The following RMDN1 variants were observed in gnomAD, a reference collection of about 807,000 sequenced individuals.
RMDN1 encodes the protein regulator of microtubule dynamics 1.
In RMDN1, 48 loss-of-function variants were observed where a neutral mutation model predicts 48.9. The observed-to-expected ratio is 0.98, with a 90% CI of 0.78 to 1.25. The LOEUF (loss-of-function observed/expected upper bound fraction) is 1.25, where lower values mean the gene tolerates loss of function less well. RMDN1 is among the 50% of genes most tolerant of loss of function. The pLI is 0.00. For missense variants in RMDN1, 418 were observed against 373.4 expected, an observed-to-expected ratio of 1.12 and a Z score of -0.98; for synonymous variants, 148 against 132.6, an observed-to-expected ratio of 1.12 and a Z score of -0.80.
At chr8:86,493,421 C>T (rs1321784664) in intron 2 of RMDN1, among the ~76,000 whole-genome samples, 1 of 152,120 alleles carries the variant, frequency 6.6e-6, no homozygotes. Flanking sequence ...AGGAAACAAC[C>T]TAAGTGCCCG....
At chr8:86,482,677 A>G in intron 5 of RMDN1, 1 of 890,354 alleles carries the variant, frequency 1.1e-6, no homozygotes, top group Non-Finnish European at 1.9e-6. Flanking sequence ...AAAAGACTTT[A>G]TGGAGTTCAT....
chr8:86,475,095 G>A, intron 8 of RMDN1, 142 bp from the exon 9 acceptor site: 1 of 588,474 alleles, frequency 1.7e-6, no homozygotes. Flanking sequence ...TTGTTCAACT[G>A]TTTATATCTC....
intron 2 of RMDN1, among the ~76,000 whole-genome samples, chr8:86,500,796 T>C (rs1297266042): frequency 6.6e-6 from 1 of 152,178 alleles, no homozygotes; most frequent in East Asian, 1.9e-4. Context: ...TCAACTGAGA[T>C]GCCCATCAAT....
chr8:86,504,824 C>CGGACT, intron 2 of RMDN1: 1 of 1,041,688 alleles, frequency 9.6e-7, no homozygotes, highest in African/African-American at 1.6e-5. Flanking sequence ...ACTTCTTAGT[C>CGGACT]GGACTGCTCT....
intron 5 of RMDN1, among the ~76,000 whole-genome samples, chr8:86,481,583 C>A (rs1367792144): frequency 2.2e-5 from 1 of 46,102 alleles, no homozygotes; most frequent in African/African-American, 7.7e-5. Flanking sequence ...TTTTTTTTTG[C>A]CTTTGCCAAA....
In RMDN1 at chr8:86,496,977, A is replaced by G. The variant is rs185163236; in HGVS notation, c.248-8338T>C. ...CACAGCTCAATAAAAATAGAAATCA[A>G]TATCAAGATCTCTCAAAACCACACA... On this transcript the variant is annotated intron_variant, in intron 2 of 9. Coordinates refer to ENST00000406452, the MANE Select transcript of RMDN1 (RefSeq NM_016033.3). Among the ~76,000 whole-genome samples the G allele has an allele frequency of 1.4e-3, 216 of 152,286 alleles. 1 individual carries two copies. The highest frequency in any genetic ancestry group is 4.9e-3 in the African/African-American group (203 of 41,568).
rs1222028524 is a variant in RMDN1 at position 86,473,382 on chromosome 8, A to C, written c.*926T>G. On this transcript the variant is annotated 3_prime_UTR_variant, in exon 10 of 10. Transcript: ENST00000406452. The stretch of plus-strand genomic sequence containing the variant: ...TAAAAACATCTTAGTATTCCATTTC[A>C]CTCTTAAGTTTTGTGTTCCTTCCAT... 1 of 985,226 alleles carries C rather than the reference A, an allele frequency of 1.0e-6. No homozygotes were observed. Among genetic ancestry groups the C allele is most frequent in the Non-Finnish European group, 1.2e-6 (1 of 829,918 alleles). 61.0% of individuals were successfully genotyped at this position (985,226 alleles called of 1,614,324 possible).
chr8:86,473,702 G>T lies in RMDN1; in HGVS notation c.*606C>A. ...AATCACTTGAACCCGGGAGGCGGAG[G>T]CTGCAGTGGGCCGAGATTGTGCCAC... On this transcript the variant is annotated 3_prime_UTR_variant, in exon 10 of 10. Transcript: ENST00000406452. 2 of 521,518 alleles carry T rather than the reference G, an allele frequency of 3.8e-6. No individual in the cohort carries two copies. Among genetic ancestry groups the T allele is most frequent in the Non-Finnish European group, 4.9e-6 (2 of 406,374 alleles). 32.3% of individuals were successfully genotyped at this position (521,518 alleles called of 1,614,324 possible).
At chr8:86,479,162 G>T in intron 6 of RMDN1, 152 bp from the exon 7 acceptor site, 1 of 602,926 alleles carries the variant, frequency 1.7e-6, no homozygotes, top group East Asian at 2.8e-5. Context: ...TCCAGAGATT[G>T]ACATAGTGAT....
downstream of RMDN1, among the ~76,000 whole-genome samples, chr8:86,470,981 G>GTGAT: frequency 6.6e-6 from 1 of 152,182 alleles, no homozygotes. Flanking sequence ...AAATCTACAT[G>GTGAT]TGATAGAATT....
At chr8:86,484,996 T>C in intron 4 of RMDN1, 35 bp from the exon 5 acceptor site, 1 of 1,179,144 alleles carries the variant, frequency 8.5e-7, no homozygotes, top group Non-Finnish European at 1.2e-6. Flanking sequence ...ACAATAATAT[T>C]CTTAATATTC....
intron 2 of RMDN1, among the ~76,000 whole-genome samples, chr8:86,490,174 G>A (rs1816260373): frequency 6.6e-6 from 1 of 152,116 alleles, no homozygotes; most frequent in Admixed American, 6.5e-5. Flanking sequence ...AGGATAAGGA[G>A]TAGTCTTTAT....
chr8:86,504,138 G>A (rs1425455044), intron 2 of RMDN1: 18 of 1,242,448 alleles, frequency 1.4e-5, no homozygotes, highest in East Asian at 9.3e-5. Context: ...AGCTATGGCC[G>A]GTATTATTGG....
At chr8:86,496,773 T>G (rs549571418) in intron 2 of RMDN1, among the ~76,000 whole-genome samples, 4 of 152,214 alleles carry the variant, frequency 2.6e-5, no homozygotes, top group Admixed American at 2.0e-4. Flanking sequence ...GATCTAAAGT[T>G]GACAATCAAA....
chr8:86,508,597 C>T lies in RMDN1; in HGVS notation c.24G>A (p.Trp8Ter). Residue 8 changes from tryptophan (W) to a stop codon, truncating the protein, a stop_gained, in exon 1 of 10, where the codon TGG becomes TGA. Transcript: ENST00000406452. LOFTEE classifies it high-confidence loss of function. MALAARL[W>*]RLLPFRRGAA... ...CTCCACGTCGGAAAGGCAGAAGGCG[C>T]CACAGTCGAGCAGCCAGCGCCATGA... 2.5e-6 allele frequency: 4 copies of T among 1,604,652 alleles called. No individual in the cohort carries two copies. The highest frequency in any genetic ancestry group is 3.4e-6 in the Non-Finnish European group (4 of 1,176,790).
At chr8:86,469,417 G>A (rs1162731542), downstream of RMDN1, among the ~76,000 whole-genome samples, 1 of 152,056 alleles carries the variant, frequency 6.6e-6, no homozygotes, top group African/African-American at 2.4e-5. Context: ...CACAGCTTTG[G>A]GCATACCTGA....
At chr8:86,482,662 TCGG>T in intron 5 of RMDN1, 1 of 821,154 alleles carries the variant, frequency 1.2e-6, no homozygotes, top group East Asian at 2.4e-5. Context: ...TTGAGCGCAG[TCGG>T]AAAAAGACTT....
intron 2 of RMDN1, chr8:86,504,692 G>T: frequency 1.1e-6 from 1 of 884,874 alleles, no homozygotes; most frequent in Non-Finnish European, 1.9e-6. Context: ...GGGCTATCTT[G>T]GTCTTTGTGG....
At chr8:86,505,999 T>C (rs1819276826) in intron 2 of RMDN1, among the ~76,000 whole-genome samples, 1 of 152,206 alleles carries the variant, frequency 6.6e-6, no homozygotes. Flanking sequence ...ATGGGCATTG[T>C]AGTTAATGGT....
Sources: allele counts gnomAD v4.1 joint callset (sites outside exome capture counted in the v4.1 genomes callset), GRCh38; gene constraint gnomAD v4.1.1; transcripts MANE v1.5; gene names NCBI Gene and HGNC (gene_info 2026-07-23, HGNC 2026-07-21).